Variants in ECHDC1 observed in about 807,000 individuals in gnomAD.
ECHDC1 encodes ethylmalonyl-CoA decarboxylase 1.
A neutral mutation model predicts 29.7 loss-of-function variants in ECHDC1; 29 were observed. The ratio of observed to expected loss-of-function variants is 0.98; its 90% confidence interval spans 0.73 to 1.33. ECHDC1 has a LOEUF of 1.33. ECHDC1 is among the 40% of genes most tolerant of loss of function. The pLI is 0.00. For synonymous variants in ECHDC1, 126 were observed against 123.1 expected, an observed-to-expected ratio of 1.02 and a Z score of -0.15; for missense variants, 328 against 350.0, an observed-to-expected ratio of 0.94 and a Z score of 0.50.
intron 1 of ECHDC1, chr6:127,342,386 T>A (rs2114726368): frequency 6.5e-7 from 1 of 1,547,726 alleles, no homozygotes; most frequent in Non-Finnish European, 8.7e-7. Context: ...CTTCACAGGC[T>A]GGCTTCCCTT....
intron 4 of ECHDC1, 37 bp downstream of exon 4, chr6:127,316,413 T>C: frequency 6.4e-7 from 1 of 1,561,526 alleles, no homozygotes; most frequent in Non-Finnish European, 8.7e-7. Context: ...ATTTTTGGTC[T>C]TTTAGAAATC....
intron 5 of ECHDC1, among the ~76,000 whole-genome samples, chr6:127,301,698 G>A (rs1781066055): frequency 6.6e-6 from 1 of 152,190 alleles, no homozygotes; most frequent in Admixed American, 6.5e-5. Context: ...AAGAACTATA[G>A]TTGCTTTTGG....
chr6:127,292,200 T>C (rs1780250920), intron 5 of ECHDC1, among the ~76,000 whole-genome samples: 1 of 152,104 alleles, frequency 6.6e-6, no homozygotes, highest in African/African-American at 2.4e-5. Context: ...TAGATTCATT[T>C]AGAATCAGCT....
chr6:127,329,567 T>A (rs1783724028), intron 2 of ECHDC1, among the ~76,000 whole-genome samples: 1 of 152,216 alleles, frequency 6.6e-6, no homozygotes, highest in Non-Finnish European at 1.5e-5. Context: ...ACTAGTCACC[T>A]GTGTGTACTG....
At chr6:127,304,701 T>C (rs1291674873) in intron 5 of ECHDC1, among the ~76,000 whole-genome samples, 1 of 151,984 alleles carries the variant, frequency 6.6e-6, no homozygotes, top group African/African-American at 2.4e-5. Flanking sequence ...AAGAACAAGA[T>C]TGAAATAAAA....
At chr6:127,336,389 A>AT (rs1784425645) in intron 1 of ECHDC1, among the ~76,000 whole-genome samples, 1 of 152,148 alleles carries the variant, frequency 6.6e-6, no homozygotes, top group Non-Finnish European at 1.5e-5. Context: ...TTCACTGAAT[A>AT]TTATTCCCCA....
chr6:127,303,150 A>G (rs1357409772), intron 5 of ECHDC1, among the ~76,000 whole-genome samples: 1 of 152,012 alleles, frequency 6.6e-6, no homozygotes, highest in East Asian at 1.9e-4. Context: ...TTAATATAAA[A>G]TTTACTGTTT....
intron 2 of ECHDC1, among the ~76,000 whole-genome samples, chr6:127,329,527 T>C (rs1783720630): frequency 6.6e-6 from 1 of 152,174 alleles, no homozygotes; most frequent in South Asian, 2.1e-4. Flanking sequence ...CAACTGAACA[T>C]ATAGAACTAC....
intron 5 of ECHDC1, among the ~76,000 whole-genome samples, chr6:127,303,423 G>A (rs1424758530): frequency 1.3e-5 from 2 of 152,126 alleles, no homozygotes; most frequent in African/African-American, 2.4e-5. Flanking sequence ...TCTTATTGCC[G>A]ATGTGAAGAA....
At chr6:127,303,656 C>T (rs1781227630) in intron 5 of ECHDC1, among the ~76,000 whole-genome samples, 2 of 152,184 alleles carry the variant, frequency 1.3e-5, no homozygotes, top group Admixed American at 1.3e-4. Flanking sequence ...TAAGGGGTAA[C>T]ACAGAAGCTG....
chr6:127,330,998 G>A lies in ECHDC1; in HGVS notation c.31C>T (p.Leu11=). The A allele has an allele frequency of 6.2e-7, 1 of 1,613,694 alleles. No homozygotes were observed. The change falls in exon 2 of 6, where the codon CTG becomes TTG. Residue 11 remains leucine (L), a synonymous_variant. Coordinates refer to ENST00000454859, the MANE Select transcript of ECHDC1 (RefSeq NM_001002030.2). ...TGTAGCAATTTTGTCCTTCCAGACA[G>A]AGAGGCTGTCTTCAAAAGACTTTTC... MAKSLLKTAS[L]SGRTKLLHQT...
intron 3 of ECHDC1, among the ~76,000 whole-genome samples, chr6:127,317,202 C>A (rs2114627103): frequency 6.6e-6 from 1 of 152,078 alleles, no homozygotes; most frequent in East Asian, 1.9e-4. Context: ...AACATTTACA[C>A]ACCTGGTTCT....
At chr6:127,318,866 T>C (rs1782608547) in intron 3 of ECHDC1, among the ~76,000 whole-genome samples, 1 of 152,242 alleles carries the variant, frequency 6.6e-6, no homozygotes, top group Non-Finnish European at 1.5e-5. Flanking sequence ...AAAGCTGTTA[T>C]CAGGAAGATC....
At chr6:127,316,633 A>C in intron 3 of ECHDC1, 131 bp from the exon 4 acceptor site, 1 of 691,468 alleles carries the variant, frequency 1.4e-6, no homozygotes, top group South Asian at 2.0e-5. Flanking sequence ...TTCCATTTAA[A>C]ACTCTTTGAT....
At chr6:127,294,941 A>G (rs575069517) in intron 5 of ECHDC1, among the ~76,000 whole-genome samples, 1 of 151,326 alleles carries the variant, frequency 6.6e-6, no homozygotes, top group South Asian at 2.1e-4. Flanking sequence ...ATTGTACTTT[A>G]TGAAGCCAGT....
At chr6:127,297,925 T>C (rs910720) in intron 5 of ECHDC1, among the ~76,000 whole-genome samples, 111,056 of 152,072 alleles carry the variant, frequency 0.73, 40,734 homozygotes, top group East Asian at 0.78. Flanking sequence ...CTTGCGTCCA[T>C]GCTCCTTAGT....
chr6:127,314,985 T>C, intron 4 of ECHDC1, 89 bp from the exon 5 acceptor site: 1 of 1,249,020 alleles, frequency 8.0e-7, no homozygotes, highest in Non-Finnish European at 1.2e-6. Flanking sequence ...TAAAATGCAG[T>C]GGAAACAAAA....
chr6:127,300,861 G>A (rs1781001658), intron 5 of ECHDC1, among the ~76,000 whole-genome samples: 1 of 152,178 alleles, frequency 6.6e-6, no homozygotes, highest in Non-Finnish European at 1.5e-5. Flanking sequence ...ATAACGTGTT[G>A]TTTTAAGCCA....
chr6:127,315,606 C>T, intron 4 of ECHDC1: 1 of 230,062 alleles, frequency 4.3e-6, no homozygotes, highest in South Asian at 5.3e-5. Flanking sequence ...TGAAAATTTC[C>T]TAATATACAC....
Sources: gnomAD v4.1 joint callset for allele counts (sites outside exome capture counted in the v4.1 genomes callset) on GRCh38, gnomAD v4.1.1 for gene constraint, MANE v1.5 for transcripts, NCBI Gene and HGNC (gene_info 2026-07-23, HGNC 2026-07-21) for gene names.